Variants in VKORC1L1 observed in about 807,000 individuals in gnomAD.
The protein encoded by VKORC1L1 is vitamin K epoxide reductase complex subunit 1-like protein 1.
Under a neutral mutation model 18.9 loss-of-function variants are expected in VKORC1L1, and 2 were observed. That is an observed-to-expected ratio of 0.11 (90% CI 0.04 to 0.33). The LOEUF (loss-of-function observed/expected upper bound fraction) is 0.33, where lower values mean the gene tolerates loss of function less well. VKORC1L1 is among the 10% of genes least tolerant of loss of function. The probability of loss-of-function intolerance (pLI) is 1.00; values close to 1 mark genes in which losing one functional copy is unlikely to be tolerated. For missense variants in VKORC1L1, 123 were observed against 224.1 expected (o/e 0.55, Z 2.88); for synonymous variants, 96 against 100.0 (o/e 0.96, Z 0.24).
chr7:65,911,870 T>C (rs1055145219), intron 1 of VKORC1L1, among the ~76,000 whole-genome samples: 6 of 152,248 alleles, frequency 3.9e-5, no homozygotes, highest in Non-Finnish European at 5.9e-5. Context: ...ATTGTATCAT[T>C]CTTAGAAAGT....
chr7:65,947,419 T>G (rs1169136903), intron 1 of VKORC1L1, among the ~76,000 whole-genome samples: 4 of 151,968 alleles, frequency 2.6e-5, no homozygotes, highest in Non-Finnish European at 5.9e-5. Context: ...AACTGGTTTT[T>G]TTTTTTTTTT....
rs73370701 is a variant in VKORC1L1, at chr7:65,951,052, G to A, written c.304+2272G>A. Among the ~76,000 whole-genome samples the A allele has an allele frequency of 1.6e-3, 244 of 152,242 alleles. 1 individual carries two copies. Among genetic ancestry groups the A allele is most frequent in the African/African-American group, 5.5e-3 (229 of 41,544 alleles). The stretch of plus-strand genomic sequence containing the variant: ...GTTTTACCATTAATTTAATGCCATG[G>A]TATATACATATTTTAAATCATATTT... On this transcript the variant is annotated intron_variant, in intron 2 of 2. Transcript: ENST00000360768.
At chr7:65,889,313 G>C (rs988548161) in intron 1 of VKORC1L1, among the ~76,000 whole-genome samples, 4 of 132,566 alleles carry the variant, frequency 3.0e-5, no homozygotes, top group African/African-American at 1.1e-4. Context: ...ATCTCTACTT[G>C]GATGTCCCAA....
intron 1 of VKORC1L1, among the ~76,000 whole-genome samples, chr7:65,903,707 G>A (rs953142642): frequency 1.3e-5 from 2 of 151,168 alleles, no homozygotes; most frequent in African/African-American, 4.9e-5. Flanking sequence ...GGGAGGCAGA[G>A]GCTGCAGTGA....
At position 65,879,202 on chromosome 7, in the gene VKORC1L1, G is replaced by A. The variant is rs867839021; in HGVS notation, c.194+5637G>A. 4.6e-5 allele frequency among the ~76,000 whole-genome samples: 7 copies of A among 152,018 alleles called. No individual in the cohort carries two copies. In the South Asian group the frequency reaches 1.5e-3, roughly 32 times the overall value. ...TTGCTCCCATACTTTAAATGCTTAT[G>A]TTCATATTTAGTGAAATGTTAATAA... On this transcript the variant is annotated intron_variant, in intron 1 of 2. Transcript: ENST00000360768.
Position 65,948,535 on chromosome 7 carries a change from ACT to A in VKORC1L1, c.195-130_195-129del, listed in dbSNP as rs1226184379. ...GGCCTCCCTCTCTTTGGGGCAAATC[ACT>A]CTCTCAACACAGGACATTTAAGACA... On this transcript the variant is annotated intron_variant, in intron 1 of 2. Transcript: ENST00000360768. 3.9e-5 allele frequency: 12 copies of A among 308,112 alleles called. No individual in the cohort carries two copies. In the East Asian group the frequency reaches 5.1e-4, roughly 13 times the overall value. 19.1% of individuals were successfully genotyped at this position (308,112 alleles called of 1,614,324 possible). A position where few individuals can be genotyped will look rare whatever the true frequency, so the allele number is the denominator to read the frequency against.
chr7:65,873,364 G>A lies in VKORC1L1; in HGVS notation c.-8G>A. On this transcript the variant is annotated 5_prime_UTR_variant, in exon 1 of 3. Coordinates refer to ENST00000360768, the MANE Select transcript of VKORC1L1 (RefSeq NM_173517.6). ...GCGGAGGGAGGCGGCGGCGGCGGCG[G>A]CGGGAAGATGGCGGCTCCCGTCCTG... 2 of 1,487,460 alleles carry A rather than the reference G, an allele frequency of 1.3e-6. No homozygotes were observed. The highest frequency in any genetic ancestry group is 2.4e-5 in the South Asian group (2 of 83,174). 92.1% of individuals were successfully genotyped at this position (1,487,460 alleles called of 1,614,324 possible). A position where few individuals can be genotyped will look rare whatever the true frequency, so the allele number is the denominator to read the frequency against.
At chr7:65,951,583 A>G (rs113783800) in intron 2 of VKORC1L1, among the ~76,000 whole-genome samples, 1 of 150,380 alleles carries the variant, frequency 6.6e-6, no homozygotes, top group East Asian at 1.9e-4. Context: ...GGAAAAAAAA[A>G]ATATATATAT....
At chr7:65,897,522 A>G (rs1040256083) in intron 1 of VKORC1L1, among the ~76,000 whole-genome samples, 9 of 152,192 alleles carry the variant, frequency 5.9e-5, no homozygotes. Flanking sequence ...ATAAGAATGA[A>G]TGAATTACAG....
At chr7:65,895,430 A>G (rs1468199091) in intron 1 of VKORC1L1, among the ~76,000 whole-genome samples, 3 of 129,802 alleles carry the variant, frequency 2.3e-5, no homozygotes, top group Non-Finnish European at 1.6e-5. Flanking sequence ...AGCCTGGGCC[A>G]TATAGTGAAA....
intron 1 of VKORC1L1, among the ~76,000 whole-genome samples, chr7:65,903,720 T>C (rs1403476795): frequency 6.8e-6 from 1 of 147,410 alleles, no homozygotes; most frequent in African/African-American, 2.5e-5. Flanking sequence ...TGCAGTGAGC[T>C]ATAATTGAGC....
At chr7:65,922,971 C>A (rs1003250164) in intron 1 of VKORC1L1, among the ~76,000 whole-genome samples, 3 of 151,984 alleles carry the variant, frequency 2.0e-5, no homozygotes, top group South Asian at 2.1e-4. Context: ...TAACCATTAT[C>A]TCTCTCTCTC....
At position 65,948,571 on chromosome 7, in the gene VKORC1L1, C is replaced by T. The variant is rs1190965702; in HGVS notation, c.195-100C>T. ...ACAGGACATTTAAGACATTTCACAA[C>T]TTAGTTGATTTTAGAATTGGATAAC... On this transcript the variant is annotated intron_variant, in intron 1 of 2. Transcript: ENST00000360768. The T allele has an allele frequency of 3.6e-5, 16 of 440,610 alleles. 1 individual carries two copies. Among genetic ancestry groups the T allele is most frequent in the Non-Finnish European group, 3.1e-5 (8 of 256,372 alleles). 27.3% of individuals were successfully genotyped at this position (440,610 alleles called of 1,614,324 possible). A position where few individuals can be genotyped will look rare whatever the true frequency, so the allele number is the denominator to read the frequency against.
chr7:65,873,174 TGGGGCGGTTGGGCCGCGCGCCTGTG>T lies in VKORC1L1; in HGVS notation c.-190_-166del, dbSNP rs1788753800. ...CCCGCCCCGTCCGCCTCACTCCTTT[TGGGGCGGTTGGGCCGCGCGCCTGTG>T]GGGGCGGGGCCCGGAGCAGGCCACC... On this transcript the variant is annotated 5_prime_UTR_variant, in exon 1 of 3. Coordinates refer to ENST00000360768, the MANE Select transcript of VKORC1L1 (RefSeq NM_173517.6). The T allele has an allele frequency of 1.1e-5, 7 of 631,854 alleles. No homozygotes were observed. The South Asian group carries it at 2.7e-4, about 24-fold the overall frequency. 39.1% of individuals were successfully genotyped at this position (631,854 alleles called of 1,614,324 possible). A position where few individuals can be genotyped will look rare whatever the true frequency, so the allele number is the denominator to read the frequency against.
At chr7:65,935,307 C>T (rs1257509474) in intron 1 of VKORC1L1, among the ~76,000 whole-genome samples, 1 of 151,618 alleles carries the variant, frequency 6.6e-6, no homozygotes, top group Non-Finnish European at 1.5e-5. Context: ...AGATTTCGGC[C>T]TCCATGGTTT....
chr7:65,909,015 A>T (rs1427922865), intron 1 of VKORC1L1, among the ~76,000 whole-genome samples: 3 of 150,346 alleles, frequency 2.0e-5, no homozygotes, highest in Non-Finnish European at 4.5e-5. Flanking sequence ...GATGCCTGTA[A>T]TCCCAGCACT....
At position 65,873,242 on chromosome 7, in the gene VKORC1L1, CGGCGGCGGCGGCGGTGGT is replaced by C. The variant is rs1237212789; in HGVS notation, c.-115_-98del. The C allele has an allele frequency of 1.0e-4, 100 of 965,006 alleles. No individual in the cohort carries two copies. The Middle Eastern group carries it at 3.1e-3, about 30-fold the overall frequency. The allele number at this position is 965,006 out of a possible 1,614,324, so 59.8% of individuals were successfully genotyped here. On this transcript the variant is annotated 5_prime_UTR_variant, in exon 1 of 3. Transcript: ENST00000360768. ...AGGCCACCGAGCCAATGGGGCGCGG[CGGCGGCGGCGGCGGTGGT>C]GGCGGCGGCGGCGGAGGCGGCGGTG...
At chr7:65,915,907 T>C (rs1386559988) in intron 1 of VKORC1L1, among the ~76,000 whole-genome samples, 1 of 151,886 alleles carries the variant, frequency 6.6e-6, no homozygotes, top group Non-Finnish European at 1.5e-5. Flanking sequence ...GGTCAGGAGT[T>C]CAAGACCAGC....
intron 1 of VKORC1L1, among the ~76,000 whole-genome samples, chr7:65,881,890 G>T (rs866737291): frequency 2.0e-5 from 3 of 150,272 alleles, no homozygotes; most frequent in African/African-American, 7.4e-5. Flanking sequence ...GACCAGCTTG[G>T]CCAACATGGT....
Sources: gnomAD v4.1 joint callset for allele counts (sites outside exome capture counted in the v4.1 genomes callset) on GRCh38, gnomAD v4.1.1 for gene constraint, MANE v1.5 for transcripts, NCBI Gene and HGNC (gene_info 2026-07-23, HGNC 2026-07-21) for gene names.